The following NAALADL2 variants were observed in gnomAD, a reference collection of about 807,000 sequenced individuals.
NAALADL2 encodes N-acetylated alpha-linked acidic dipeptidase like 2.
A neutral mutation model predicts 87.2 loss-of-function variants in NAALADL2; 76 were observed. The observed-to-expected ratio is 0.87, with a 90% confidence interval of 0.72 to 1.05. The LOEUF (loss-of-function observed/expected upper bound fraction) is 1.05. NAALADL2 is among the 50% of genes least tolerant of loss of function. The pLI is 0.00. For missense variants in NAALADL2, 1,089 were observed against 945.8 expected, an observed-to-expected ratio of 1.15 and a Z score of -1.99; for synonymous variants, 354 against 331.0, an observed-to-expected ratio of 1.07 and a Z score of -0.75.
chr3:174,696,115 G>A (rs554208576), intron 2 of NAALADL2, among the ~76,000 whole-genome samples: 1 of 152,072 alleles, frequency 6.6e-6, no homozygotes, highest in African/African-American at 2.4e-5. Flanking sequence ...AATTAGTTTG[G>A]ATATGTTACC....
rs190687921 is a variant in NAALADL2, at chr3:175,165,384, C to A, written c.545+68093C>A. On this transcript the variant is annotated intron_variant, in intron 2 of 13. Coordinates refer to ENST00000454872, the MANE Select transcript of NAALADL2 (RefSeq NM_207015.3). ...TATATAGTGAATGGGTAAATCAATCCATCTATAAACAATAAGTAAATCAAT... is the reference window on the plus strand; with the variant it reads ...TATATAGTGAATGGGTAAATCAATCAATCTATAAACAATAAGTAAATCAAT... Among the ~76,000 whole-genome samples the A allele has an allele frequency of 3.4e-3, 510 of 152,086 alleles. 2 individuals carry two copies. The highest frequency in any genetic ancestry group is 0.012 in the African/African-American group (478 of 41,532).
At chr3:175,792,034 A>G (rs1560020626) in intron 13 of NAALADL2, among the ~76,000 whole-genome samples, 2 of 152,096 alleles carry the variant, frequency 1.3e-5, no homozygotes, top group Non-Finnish European at 1.5e-5. Flanking sequence ...AAAAAAATAA[A>G]TGGTACTTTG....
At chr3:175,606,728 A>C (rs1160628608) in intron 10 of NAALADL2, among the ~76,000 whole-genome samples, 1 of 152,116 alleles carries the variant, frequency 6.6e-6, no homozygotes, top group Non-Finnish European at 1.5e-5. Context: ...TGAGGCAAAC[A>C]GAAGAGTGTA....
chr3:175,587,114 C>T (rs1483092956), intron 10 of NAALADL2, among the ~76,000 whole-genome samples: 4 of 152,220 alleles, frequency 2.6e-5, no homozygotes, highest in African/African-American at 7.2e-5. Context: ...CACCAACACT[C>T]ATTGACTCAT....
At chr3:174,950,892 TTATATC>T (rs1156262201) in intron 1 of NAALADL2, among the ~76,000 whole-genome samples, 1 of 152,130 alleles carries the variant, frequency 6.6e-6, no homozygotes, top group Non-Finnish European at 1.5e-5. Flanking sequence ...ATTTGTATGT[TTATATC>T]TATCTCTTTA....
At chr3:175,689,116 A>G (rs1582899173) in intron 11 of NAALADL2, among the ~76,000 whole-genome samples, 1 of 152,326 alleles carries the variant, frequency 6.6e-6, no homozygotes, top group East Asian at 1.9e-4. Context: ...ATATAAGTAT[A>G]TGTCAGGTAA....
At chr3:175,004,876 A>AT (rs896953257) in intron 1 of NAALADL2, among the ~76,000 whole-genome samples, 1 of 152,008 alleles carries the variant, frequency 6.6e-6, no homozygotes, top group African/African-American at 2.4e-5. Flanking sequence ...AAATCAAAAA[A>AT]AAAAAATCCA....
intron 4 of NAALADL2, among the ~76,000 whole-genome samples, chr3:175,258,434 G>GTGGGAGC (rs1296524147): frequency 6.6e-6 from 1 of 152,086 alleles, no homozygotes; most frequent in African/African-American, 2.4e-5. Context: ...GGGTGGAGTG[G>GTGGGAGC]TGGGAGCTAG....
intron 11 of NAALADL2, among the ~76,000 whole-genome samples, chr3:175,697,888 TA>T (rs1738137319): frequency 3.7e-5 from 3 of 81,380 alleles, no homozygotes; most frequent in Non-Finnish European, 6.6e-5. Flanking sequence ...TATATGTGTA[TA>T]TATGTATGTA....
intron 5 of NAALADL2, among the ~76,000 whole-genome samples, chr3:175,445,133 G>A (rs537962613): frequency 2.0e-5 from 3 of 152,260 alleles, no homozygotes; most frequent in Admixed American, 1.3e-4. Flanking sequence ...CTGCCTGATA[G>A]AGTCATTCTG....
chr3:175,518,982 T>G (rs1732262568), intron 9 of NAALADL2, among the ~76,000 whole-genome samples: 1 of 152,206 alleles, frequency 6.6e-6, no homozygotes, highest in African/African-American at 2.4e-5. Flanking sequence ...AACAAAGCAT[T>G]GATAGCTTTG....
At chr3:175,321,015 C>T (rs1354354216) in intron 4 of NAALADL2, among the ~76,000 whole-genome samples, 1 of 151,620 alleles carries the variant, frequency 6.6e-6, no homozygotes, top group South Asian at 2.1e-4. Flanking sequence ...ATACCAAAGC[C>T]GGGCAGAGAC....
intron 9 of NAALADL2, among the ~76,000 whole-genome samples, chr3:175,483,701 T>C (rs770987830): frequency 7.9e-5 from 12 of 151,978 alleles, no homozygotes; most frequent in Non-Finnish European, 1.3e-4. Context: ...CTGGTTTGGG[T>C]AAGAAATTAA....
chr3:174,638,990 T>A (rs1460629406), intron 2 of NAALADL2, among the ~76,000 whole-genome samples: 1 of 152,212 alleles, frequency 6.6e-6, no homozygotes, highest in Non-Finnish European at 1.5e-5. Flanking sequence ...GAGCTAGAAC[T>A]CTTTGCCCTT....
chr3:174,793,443 T>C (rs1471155976), intron 3 of NAALADL2, among the ~76,000 whole-genome samples: 1 of 152,176 alleles, frequency 6.6e-6, no homozygotes, highest in African/African-American at 2.4e-5. Flanking sequence ...AGTTATTTAC[T>C]TGGCAATACT....
At chr3:174,559,692 T>C (rs1297878942) in intron 2 of NAALADL2, among the ~76,000 whole-genome samples, 1 of 152,130 alleles carries the variant, frequency 6.6e-6, no homozygotes, top group African/African-American at 2.4e-5. Context: ...AAGACTGACA[T>C]TTTCTTGTTT....
Position 174,971,665 on chromosome 3 carries a change from CTGTGTG to C in NAALADL2, c.43+112247_43+112252del, listed in dbSNP as rs10662918. The stretch of plus-strand genomic sequence containing the variant: ...CAACTCAAACAGTCAGTATGCTAGA[CTGTGTG>C]TGTGTGTGTGTGTGTGTGTGTGTGT... On this transcript the variant is annotated intron_variant, in intron 1 of 13. Coordinates refer to ENST00000454872, the MANE Select transcript of NAALADL2 (RefSeq NM_207015.3). Among the ~76,000 whole-genome samples the C allele has an allele frequency of 8.5e-3, 1,236 of 144,802 alleles. 15 individuals are homozygous for C. The highest frequency in any genetic ancestry group is 0.03 in the African/African-American group (1,157 of 38,766). 95.0% of individuals were successfully genotyped at this position (144,802 alleles called of 152,430 possible).
At chr3:175,188,566 C>T (rs1421062051) in intron 2 of NAALADL2, among the ~76,000 whole-genome samples, 2 of 152,060 alleles carry the variant, frequency 1.3e-5, no homozygotes, top group Non-Finnish European at 2.9e-5. Flanking sequence ...CTGAGCTGTG[C>T]CATCTCATCC....
intron 4 of NAALADL2, among the ~76,000 whole-genome samples, chr3:175,301,502 T>C (rs1757083288): frequency 6.6e-6 from 1 of 152,174 alleles, no homozygotes. Flanking sequence ...CATTGTTAAT[T>C]CCAATTTCTG....
Sources: gnomAD v4.1 joint callset for allele counts (sites outside exome capture counted in the v4.1 genomes callset) on GRCh38, gnomAD v4.1.1 for gene constraint, MANE v1.5 for transcripts, NCBI Gene and HGNC (gene_info 2026-07-23, HGNC 2026-07-21) for gene names.